Variants in SLC9C1 observed in about 807,000 individuals in gnomAD.
SLC9C1 encodes sodium/hydrogen exchanger 10.
A neutral mutation model predicts 140.9 loss-of-function variants in SLC9C1; 97 were observed. That is an observed-to-expected ratio of 0.69 (90% CI 0.58 to 0.82). The LOEUF (loss-of-function observed/expected upper bound fraction) is 0.82, where lower values mean the gene tolerates loss of function less well. Among genes scored for constraint, SLC9C1 ranks in the 40% least tolerant of loss-of-function variants. The probability of loss-of-function intolerance (pLI) is 0.00; values close to 1 mark genes in which losing one functional copy is unlikely to be tolerated. For missense variants in SLC9C1, 1,340 were observed against 1,389.3 expected (o/e 0.96, Z 0.56); for synonymous variants, 440 against 442.6 (o/e 0.99, Z 0.07).
intron 23 of SLC9C1, among the ~76,000 whole-genome samples, chr3:112,170,866 A>G (rs1346869974): frequency 6.6e-6 from 1 of 152,216 alleles, no homozygotes; most frequent in Non-Finnish European, 1.5e-5. Context: ...CACTGTTCAA[A>G]TTAAAACTCT....
At chr3:112,197,278 T>C (rs558039565) in intron 20 of SLC9C1, among the ~76,000 whole-genome samples, 1 of 152,278 alleles carries the variant, frequency 6.6e-6, no homozygotes, top group African/African-American at 2.4e-5. Context: ...AAAAAAGTGT[T>C]GGCCCTTTAA....
At chr3:112,292,181 G>A (rs2080703416) in intron 1 of SLC9C1, among the ~76,000 whole-genome samples, 2 of 152,270 alleles carry the variant, frequency 1.3e-5, no homozygotes, top group East Asian at 3.9e-4. Context: ...TAATAGCTGG[G>A]TGATTAAATA....
At chr3:112,155,510 T>A (rs972220759) in intron 26 of SLC9C1, among the ~76,000 whole-genome samples, 2 of 151,656 alleles carry the variant, frequency 1.3e-5, no homozygotes, top group Admixed American at 6.6e-5. Context: ...TGCAGGAGAG[T>A]CACATAGCGC....
intron 26 of SLC9C1, among the ~76,000 whole-genome samples, chr3:112,161,495 C>G (rs781200643): frequency 3.5e-4 from 53 of 152,270 alleles, no homozygotes; most frequent in Middle Eastern, 6.8e-3. Context: ...ATATGGCTAG[C>G]CAGTTTTCCC....
chr3:112,172,338 A>T (rs1366642573), intron 23 of SLC9C1, among the ~76,000 whole-genome samples: 3 of 151,908 alleles, frequency 2.0e-5, no homozygotes, highest in Non-Finnish European at 4.4e-5. Flanking sequence ...TTGTAAAAAG[A>T]ATTAAAAATT....
chr3:112,174,907 C>T (rs1201553823), intron 23 of SLC9C1, among the ~76,000 whole-genome samples: 4 of 151,926 alleles, frequency 2.6e-5, no homozygotes, highest in Non-Finnish European at 4.4e-5. Flanking sequence ...TCTGGATCTG[C>T]GTGGAGAACA....
At chr3:112,245,490 T>G (rs1042352262) in intron 10 of SLC9C1, among the ~76,000 whole-genome samples, 3 of 152,082 alleles carry the variant, frequency 2.0e-5, no homozygotes, top group Non-Finnish European at 2.9e-5. Context: ...AAATATTTTT[T>G]CTCTCATTGA....
At chr3:112,243,115 G>C (rs2079181666) in intron 11 of SLC9C1, among the ~76,000 whole-genome samples, 1 of 152,136 alleles carries the variant, frequency 6.6e-6, no homozygotes, top group Admixed American at 6.5e-5. Flanking sequence ...GCAGTTTGGA[G>C]ATTTCTCAAA....
intron 15 of SLC9C1, among the ~76,000 whole-genome samples, chr3:112,215,857 T>G (rs1180524760): frequency 2.6e-5 from 4 of 152,110 alleles, no homozygotes; most frequent in Non-Finnish European, 5.9e-5. Flanking sequence ...AAAAACTACT[T>G]TAAACTTCAT....
chr3:112,202,207 A>T, intron 18 of SLC9C1, 43 bp downstream of exon 18: 1 of 1,603,212 alleles, frequency 6.2e-7, no homozygotes, highest in Non-Finnish European at 8.5e-7. Flanking sequence ...AGGGCAACTG[A>T]GGGCTGAGTG....
At chr3:112,167,836 C>T (rs1302500448) in intron 25 of SLC9C1, among the ~76,000 whole-genome samples, 1 of 152,136 alleles carries the variant, frequency 6.6e-6, no homozygotes, top group African/African-American at 2.4e-5. Context: ...TATCAGGCTT[C>T]AGGCTCCTGC....
intron 28 of SLC9C1, among the ~76,000 whole-genome samples, chr3:112,149,043 C>T (rs34043603): frequency 0.3 from 45,016 of 151,976 alleles, 7,225 homozygotes; most frequent in East Asian, 0.43. Flanking sequence ...GATCTCTGCA[C>T]AGGAGGGGTA....
intron 12 of SLC9C1, among the ~76,000 whole-genome samples, chr3:112,232,368 A>C (rs2078851701): frequency 6.6e-6 from 1 of 152,196 alleles, no homozygotes; most frequent in South Asian, 2.1e-4. Flanking sequence ...ATTTTGAGTA[A>C]ACTATCTGGA....
chr3:112,219,800 C>T (rs10934138), intron 14 of SLC9C1, among the ~76,000 whole-genome samples: 32,204 of 151,916 alleles, frequency 0.21, 4,304 homozygotes, highest in East Asian at 0.34. Context: ...AGGCTGGTCT[C>T]GAACTCCTGA....
intron 16 of SLC9C1, among the ~76,000 whole-genome samples, chr3:112,205,402 A>C: frequency 6.7e-6 from 1 of 149,524 alleles, no homozygotes; most frequent in Non-Finnish European, 1.5e-5. Context: ...GAAATAAAAG[A>C]GGATACAAAC....
chr3:112,248,195 C>A (rs1408650989), intron 10 of SLC9C1, among the ~76,000 whole-genome samples: 1 of 152,092 alleles, frequency 6.6e-6, no homozygotes, highest in Non-Finnish European at 1.5e-5. Flanking sequence ...TAGTTCACTG[C>A]CTTCAAACAA....
At chr3:112,289,024 C>T (rs2080600362) in intron 1 of SLC9C1, among the ~76,000 whole-genome samples, 1 of 152,116 alleles carries the variant, frequency 6.6e-6, no homozygotes, top group Non-Finnish European at 1.5e-5. Context: ...AGCCTGGGCT[C>T]TTCAGGTAAT....
intron 20 of SLC9C1, among the ~76,000 whole-genome samples, chr3:112,190,080 TTTTGTATCCCGAGACTTTG>T (rs2077622337): frequency 2.0e-5 from 3 of 152,182 alleles, no homozygotes; most frequent in Admixed American, 6.5e-5. Flanking sequence ...TGCACATTGG[TTTTGTATCCCGAGACTTTG>T]CTGAAGCTGC....
At chr3:112,260,298 T>A (rs2079736607) in intron 10 of SLC9C1, among the ~76,000 whole-genome samples, 1 of 152,090 alleles carries the variant, frequency 6.6e-6, no homozygotes, top group South Asian at 2.1e-4. Context: ...TTCTTTAGTT[T>A]TTTTATGGTT....
Sources: gnomAD v4.1 joint callset for allele counts (sites outside exome capture counted in the v4.1 genomes callset) on GRCh38, gnomAD v4.1.1 for gene constraint, MANE v1.5 for transcripts, NCBI Gene and HGNC (gene_info 2026-07-23, HGNC 2026-07-21) for gene names.